The following CCDC40 variants were observed in gnomAD, a reference collection of about 807,000 sequenced individuals.
CCDC40 encodes coiled-coil domain-containing protein 40.
A neutral mutation model predicts 124.5 loss-of-function variants in CCDC40; 104 were observed. The ratio of observed to expected loss-of-function variants is 0.84; its 90% CI spans 0.71 to 0.98. The LOEUF is 0.98. Among genes scored for constraint, CCDC40 ranks in the 50% least tolerant of loss-of-function variants. The probability of loss-of-function intolerance (pLI) is 0.00; values close to 1 mark genes in which losing one functional copy is unlikely to be tolerated. For missense variants in CCDC40, 1,463 were observed against 1,503.9 expected, an observed-to-expected ratio of 0.97 and a Z score of 0.45; for synonymous variants, 580 against 602.9, an observed-to-expected ratio of 0.96 and a Z score of 0.56.
In CCDC40 at chr17:80,099,689, C is replaced by A; in HGVS notation, c.3343C>A (p.Arg1115=). Reference sequence around the variant, plus strand: ...CATCGCCACCATCCTGGACCGCGTGCGGGACGAGTACCCCCAGTTCCAGGA... The same window carrying A: ...CATCGCCACCATCCTGGACCGCGTGAGGGACGAGTACCCCCAGTTCCAGGA... The part of the protein sequence containing the change: ...ALIATILDRV[R]DEYPQFQEAL... The change falls in exon 20 of 20, where the codon CGG becomes AGG. Residue 1115 remains arginine (R), a synonymous_variant. Transcript: ENST00000397545. 1 of 1,613,806 alleles carries A rather than the reference C, an allele frequency of 6.2e-7. No individual in the cohort carries two copies. Among genetic ancestry groups the A allele is most frequent in the Non-Finnish European group, 8.5e-7 (1 of 1,180,018 alleles).
chr17:80,091,456 AT>A lies in CCDC40; in HGVS notation c.2832+1573del, dbSNP rs772628397. On this transcript the variant is annotated intron_variant, in intron 17 of 19. Coordinates refer to ENST00000397545, the MANE Select transcript of CCDC40 (RefSeq NM_017950.4). ...CTAATCTGCAGACCCAGGAGAGCCCATGATTCAGTCAAGTCTAAGACCTGAG... is the reference window on the plus strand; with the variant it reads ...CTAATCTGCAGACCCAGGAGAGCCCAGATTCAGTCAAGTCTAAGACCTGAG... 6.1e-4 allele frequency among the ~76,000 whole-genome samples: 93 copies of A among 152,258 alleles called. 1 individual carries two copies. Among genetic ancestry groups the A allele is most frequent in the Non-Finnish European group, 1.8e-4 (12 of 68,014 alleles).
intron 19 of CCDC40, 63 bp downstream of exon 19, chr17:80,097,466 T>C (rs1259116761): frequency 1.3e-6 from 2 of 1,573,714 alleles, no homozygotes; most frequent in Admixed American, 1.7e-5. Context: ...CACACAGAGG[T>C]CCTGCGTCCC....
intron 4 of CCDC40, 39 bp downstream of exon 4, chr17:80,047,441 G>A (rs2037456517): frequency 1.3e-6 from 2 of 1,596,022 alleles, no homozygotes; most frequent in Non-Finnish European, 1.7e-6. Context: ...CCCTGGCGAT[G>A]AGCCACCTGC....
chr17:80,047,163 C>A, intron 3 of CCDC40, 116 bp from the exon 4 acceptor site: 1 of 1,197,898 alleles, frequency 8.3e-7, no homozygotes, highest in Non-Finnish European at 1.2e-6. Flanking sequence ...TTAAAAAACA[C>A]ACAGGTGACT....
intron 10 of CCDC40, among the ~76,000 whole-genome samples, chr17:80,070,414 G>A (rs1436497155): frequency 6.6e-6 from 1 of 152,186 alleles, no homozygotes; most frequent in African/African-American, 2.4e-5. Flanking sequence ...GGGCAACATA[G>A]TAAAGTAAGA....
chr17:80,065,629 G>A (rs778476135), intron 10 of CCDC40, 23 bp downstream of exon 10: 24 of 1,611,106 alleles, frequency 1.5e-5, no homozygotes, highest in Admixed American at 3.3e-5. Flanking sequence ...CACAGGCAGC[G>A]AGGATGTGCG....
Position 80,067,480 on chromosome 17 carries a change from C to A in CCDC40, c.1562+1874C>A, listed in dbSNP as rs951321180. ...AGCACACCACACTCACTGTTCTGCA[C>A]CTCTTTGCTTTTTCCATTTAACAGC... On this transcript the variant is annotated intron_variant, in intron 10 of 19. Transcript: ENST00000397545. 12 of 964,964 alleles carry A rather than the reference C, an allele frequency of 1.2e-5. No homozygotes were observed. In the African/African-American group the frequency reaches 1.9e-4, roughly 16 times the overall value. The allele number at this position is 964,964 out of a possible 1,614,324, so 59.8% of individuals were successfully genotyped here.
At chr17:80,050,386 G>A in intron 7 of CCDC40, 103 bp downstream of exon 7, 1 of 896,458 alleles carries the variant, frequency 1.1e-6, no homozygotes, top group Non-Finnish European at 1.8e-6. Flanking sequence ...AGATGTGTGT[G>A]CATCCTGGAG....
intron 10 of CCDC40, chr17:80,067,732 G>C: frequency 6.6e-7 from 1 of 1,519,770 alleles, no homozygotes; most frequent in Non-Finnish European, 8.8e-7. Flanking sequence ...ATCAAGCCCG[G>C]AATGTCTGGG....
At chr17:80,081,520 T>C in intron 10 of CCDC40, 26 bp from the exon 11 acceptor site, 1 of 1,613,080 alleles carries the variant, frequency 6.2e-7, no homozygotes, top group South Asian at 1.1e-5. Flanking sequence ...CACACGTAAC[T>C]GGCTCTCCCC....
chr17:80,071,467 C>T (rs1016730806), intron 10 of CCDC40, among the ~76,000 whole-genome samples: 12 of 152,134 alleles, frequency 7.9e-5, no homozygotes, highest in African/African-American at 2.7e-4. Context: ...CCTCCTGTGT[C>T]CCCCCCTTAA....
At chr17:80,090,748 G>A in intron 17 of CCDC40, 1 of 1,383,714 alleles carries the variant, frequency 7.2e-7, no homozygotes, top group Non-Finnish European at 9.4e-7. Context: ...CAAGCTAAAG[G>A]TTCAGGGCCT....
chr17:80,051,501 C>T (rs1330474842), intron 7 of CCDC40, among the ~76,000 whole-genome samples: 2 of 149,538 alleles, frequency 1.3e-5, no homozygotes, highest in African/African-American at 2.5e-5. Flanking sequence ...TAGTGGCGGG[C>T]GCCTGTAGTC....
intron 9 of CCDC40, among the ~76,000 whole-genome samples, chr17:80,061,878 C>T (rs375160854): frequency 4.2e-4 from 49 of 116,030 alleles, no homozygotes; most frequent in East Asian, 3.4e-3. Flanking sequence ...ACCCTAACCC[C>T]GCACCCTGTT....
chr17:80,082,621 A>G (rs7219723), intron 12 of CCDC40, among the ~76,000 whole-genome samples: 58,226 of 151,730 alleles, frequency 0.38, 11,301 homozygotes, highest in Non-Finnish European at 0.41. Flanking sequence ...GGAGGGTGAC[A>G]GATTCCCGAT....
chr17:80,056,064 C>G (rs1160709778), intron 7 of CCDC40, among the ~76,000 whole-genome samples: 11 of 126,364 alleles, frequency 8.7e-5, no homozygotes, highest in African/African-American at 3.1e-4. Context: ...GTTGCCCAGG[C>G]TGGTCTCCAA....
chr17:80,081,362 G>A (rs2038442466), intron 10 of CCDC40, 184 bp from the exon 11 acceptor site: 2 of 255,604 alleles, frequency 7.8e-6, no homozygotes, highest in Non-Finnish European at 1.4e-5. Context: ...TTCAGCCTGG[G>A]TTACAGAGTG....
intron 10 of CCDC40, 22 bp downstream of exon 10, chr17:80,065,628 C>T (rs747457471): frequency 1.7e-5 from 27 of 1,610,914 alleles, no homozygotes; most frequent in East Asian, 2.2e-5. Context: ...CCACAGGCAG[C>T]GAGGATGTGC....
In CCDC40 at chr17:80,058,480, G is replaced by C; in HGVS notation, c.1160-14G>C. The C allele has an allele frequency of 6.2e-7, 1 of 1,612,878 alleles. No homozygotes were observed. Among genetic ancestry groups the C allele is most frequent in the Non-Finnish European group, 8.5e-7 (1 of 1,179,706 alleles). ...CTCACTCTCTCTCTCTTTCTCCCCC[G>C]CCGCGCCCCGCAGTGGCGGCTCTGC... On this transcript the variant is annotated splice_polypyrimidine_tract_variant and intron_variant, in intron 7 of 19. Coordinates refer to ENST00000397545, the MANE Select transcript of CCDC40 (RefSeq NM_017950.4). This position sits in a 1 kb window ranked among gnomAD's most constrained non-coding sequence, Gnocchi z 4.2.
Sources: gnomAD v4.1 joint callset for allele counts (sites outside exome capture counted in the v4.1 genomes callset) on GRCh38, gnomAD v4.1.1 for gene constraint, Gnocchi (gnomAD v3.1) non-coding constraint, MANE v1.5 for transcripts, NCBI Gene and HGNC (gene_info 2026-07-23, HGNC 2026-07-21) for gene names.